The following KIF13B variants were observed in gnomAD, a reference collection of about 807,000 sequenced individuals.
KIF13B encodes kinesin family member 13B, also known as kinesin-like protein KIF13B.
In KIF13B, 127 loss-of-function variants were observed where a neutral mutation model predicts 222.0. The observed-to-expected ratio is 0.57, with a 90% CI of 0.50 to 0.66. KIF13B has a LOEUF of 0.66. Among genes scored for constraint, KIF13B ranks in the 30% least tolerant of loss-of-function variants. The pLI is 0.00. For missense variants in KIF13B, 2,173 were observed against 2,379.0 expected, an observed-to-expected ratio of 0.91 and a Z score of 1.80; for synonymous variants, 976 against 919.0, an observed-to-expected ratio of 1.06 and a Z score of -1.12.
At chr8:29,164,778 G>A (rs1163407456) in intron 12 of KIF13B, among the ~76,000 whole-genome samples, 1 of 151,838 alleles carries the variant, frequency 6.6e-6, no homozygotes, top group Non-Finnish European at 1.5e-5. Context: ...TTATTAGGTA[G>A]ACAGACTTTT....
chr8:29,221,824 A>G (rs1313562473), intron 2 of KIF13B, among the ~76,000 whole-genome samples: 1 of 152,218 alleles, frequency 6.6e-6, no homozygotes, highest in African/African-American at 2.4e-5. Flanking sequence ...CAACATATCC[A>G]TTGGTATCAA....
intron 2 of KIF13B, among the ~76,000 whole-genome samples, chr8:29,217,021 C>T (rs1183915430): frequency 6.6e-6 from 1 of 152,144 alleles, no homozygotes; most frequent in African/African-American, 2.4e-5. Context: ...ATACTTATTC[C>T]TCGTTCCTCA....
At chr8:29,235,159 T>A (rs1206180930) in intron 2 of KIF13B, among the ~76,000 whole-genome samples, 1 of 152,150 alleles carries the variant, frequency 6.6e-6, no homozygotes, top group Non-Finnish European at 1.5e-5. Flanking sequence ...CCTAGCTCTA[T>A]AATGGCTTAA....
At chr8:29,157,493 A>T (rs1019788110) in intron 13 of KIF13B, among the ~76,000 whole-genome samples, 1 of 151,578 alleles carries the variant, frequency 6.6e-6, no homozygotes, top group Non-Finnish European at 1.5e-5. Context: ...ACTCAAAGTC[A>T]GGAGTTCAAG....
intron 37 of KIF13B, among the ~76,000 whole-genome samples, chr8:29,079,973 A>C (rs947400908): frequency 2.0e-5 from 3 of 152,220 alleles, no homozygotes; most frequent in Non-Finnish European, 4.4e-5. Context: ...AAACAAAAGG[A>C]AGCAGAGCTA....
chr8:29,092,403 AAAAT>A (rs1808341137), intron 37 of KIF13B, among the ~76,000 whole-genome samples: 1 of 152,252 alleles, frequency 6.6e-6, no homozygotes, highest in South Asian at 2.1e-4. Context: ...ATGAAATCAA[AAAAT>A]AAAAATAGAA....
intron 26 of KIF13B, 130 bp from the exon 27 acceptor site, chr8:29,124,253 T>C: frequency 1.7e-6 from 1 of 576,208 alleles, no homozygotes; most frequent in Non-Finnish European, 3.0e-6. Flanking sequence ...TCTTTATTGC[T>C]ACCACCAGTT....
At chr8:29,186,809 A>AC (rs1236310468) in intron 5 of KIF13B, among the ~76,000 whole-genome samples, 2 of 151,742 alleles carry the variant, frequency 1.3e-5, no homozygotes, top group Non-Finnish European at 2.9e-5. Flanking sequence ...AATACAAAAA[A>AC]AAAAGAAAAA....
At chr8:29,135,421 A>G (rs1352500375) in intron 21 of KIF13B, among the ~76,000 whole-genome samples, 1 of 152,230 alleles carries the variant, frequency 6.6e-6, no homozygotes, top group East Asian at 1.9e-4. Context: ...AGAAAATGAA[A>G]TCCTGAAGTC....
At chr8:29,140,374 G>T in intron 20 of KIF13B, 94 bp downstream of exon 20, 1 of 1,435,454 alleles carries the variant, frequency 7.0e-7, no homozygotes, top group Non-Finnish European at 9.5e-7. Flanking sequence ...AATAAGACAC[G>T]TTACTGACAA....
chr8:29,076,859 C>T (rs1260396003), intron 37 of KIF13B, among the ~76,000 whole-genome samples: 1 of 152,182 alleles, frequency 6.6e-6, no homozygotes, highest in Non-Finnish European at 1.5e-5. Flanking sequence ...CCTGCAGTCC[C>T]AGCTCCTCAG....
In KIF13B at chr8:29,113,511, A is replaced by G; in HGVS notation, c.3882T>C (p.Ser1294=). The G allele has an allele frequency of 6.3e-7, 1 of 1,594,770 alleles. No homozygotes were observed. Among genetic ancestry groups the G allele is most frequent in the Non-Finnish European group, 8.6e-7 (1 of 1,169,112 alleles). ...CAAAAGTCACTCCACAGCCAGGAAT[A>G]GAACTTCGATGAGACATCTTTTTTA... The part of the protein sequence containing the change: ...SLLKKMSHRS[S]IPGCGVTFEI... The change falls in exon 32 of 40, where the codon TCT becomes TCC. Residue 1294 remains serine, a synonymous_variant. Coordinates refer to ENST00000524189, the MANE Select transcript of KIF13B (RefSeq NM_015254.4).
intron 37 of KIF13B, among the ~76,000 whole-genome samples, chr8:29,076,011 AGGT>A (rs2133483541): frequency 6.6e-6 from 1 of 152,268 alleles, no homozygotes; most frequent in Non-Finnish European, 1.5e-5. Flanking sequence ...CAGGGGGAGG[AGGT>A]AAGAGCCACA....
chr8:29,122,619 G>A lies in KIF13B; in HGVS notation c.3507C>T (p.His1169=), dbSNP rs1406213196. 6 of 1,610,246 alleles carry A rather than the reference G, an allele frequency of 3.7e-6. No homozygotes were observed. Among genetic ancestry groups the A allele is most frequent in the Middle Eastern group, 1.6e-4 (1 of 6,078 alleles). ...EWTPVPGMET[H]IPVIFLDLNA... is the part of the protein sequence containing the mutation. Reference sequence around the variant, plus strand: ...TTAAGTCCAGGAATATAACAGGAATGTGTGTCTCCATCCCAGGTACTGGGG... The same window carrying A: ...TTAAGTCCAGGAATATAACAGGAATATGTGTCTCCATCCCAGGTACTGGGG... The change falls in exon 29 of 40, where the codon CAC becomes CAT. Residue 1169 remains histidine, a synonymous_variant. Coordinates refer to ENST00000524189, the MANE Select transcript of KIF13B (RefSeq NM_015254.4).
intron 2 of KIF13B, among the ~76,000 whole-genome samples, chr8:29,223,688 G>T (rs1814873738): frequency 6.6e-6 from 1 of 152,046 alleles, no homozygotes; most frequent in Non-Finnish European, 1.5e-5. Flanking sequence ...TTGTATTTTT[G>T]AAAATAAATA....
intron 1 of KIF13B, among the ~76,000 whole-genome samples, chr8:29,255,742 T>C (rs1261610693): frequency 2.6e-5 from 4 of 152,106 alleles, no homozygotes; most frequent in African/African-American, 7.2e-5. Context: ...TCAGTGAAAT[T>C]ATCCTGAAAA....
rs146590141 is a variant in KIF13B, at chr8:29,169,079, T to C, written c.946-1494A>G. Among the ~76,000 whole-genome samples, 631 of 152,298 alleles carry C rather than the reference T, an allele frequency of 4.1e-3. 1 individual carries two copies. The highest frequency in any genetic ancestry group is 0.014 in the African/African-American group (599 of 41,562). On this transcript the variant is annotated intron_variant, in intron 10 of 39. Transcript: ENST00000524189. Reference sequence around the variant, plus strand: ...AGAGCATAAGAAAGCTAACTCTACTTTGGGGCAGCATTAACCTATGGAAAA... The same window carrying C: ...AGAGCATAAGAAAGCTAACTCTACTCTGGGGCAGCATTAACCTATGGAAAA...
intron 35 of KIF13B, among the ~76,000 whole-genome samples, chr8:29,102,775 G>T (rs550883989): frequency 6.6e-6 from 1 of 152,178 alleles, no homozygotes; most frequent in East Asian, 1.9e-4. Flanking sequence ...AAACCATCAC[G>T]GCTTTCAGGA....
At chr8:29,172,570 A>G (rs1346973596) in intron 10 of KIF13B, among the ~76,000 whole-genome samples, 1 of 152,222 alleles carries the variant, frequency 6.6e-6, no homozygotes, top group African/African-American at 2.4e-5. Context: ...ATTATTTTCT[A>G]TCAAGGACTG....
Sources: gnomAD v4.1 joint callset for allele counts (sites outside exome capture counted in the v4.1 genomes callset) on GRCh38, gnomAD v4.1.1 for gene constraint, MANE v1.5 for transcripts, NCBI Gene and HGNC (gene_info 2026-07-23, HGNC 2026-07-21) for gene names.